Variants in RHBDD1 observed in about 807,000 individuals in gnomAD.
The protein encoded by RHBDD1 is rhomboid domain containing 1.
In RHBDD1, 38 loss-of-function variants were observed where a neutral mutation model predicts 36.3. The ratio of observed to expected loss-of-function variants is 1.05; its 90% CI spans 0.81 to 1.37. The LOEUF (loss-of-function observed/expected upper bound fraction) is 1.37. RHBDD1 is among the 40% of genes most tolerant of loss of function. The pLI, the probability that RHBDD1 is intolerant of heterozygous loss-of-function variation, is 0.00. For missense variants in RHBDD1, 393 were observed against 377.6 expected (o/e 1.04, Z -0.34); for synonymous variants, 151 against 136.5 (o/e 1.11, Z -0.74).
intron 8 of RHBDD1, among the ~76,000 whole-genome samples, chr2:226,943,544 A>G (rs1165618440): frequency 6.6e-6 from 1 of 152,234 alleles, no homozygotes; most frequent in Admixed American, 6.5e-5. Context: ...CATGGACATT[A>G]CAGGAGATAG....
At chr2:226,894,007 A>T (rs1452859167) in intron 5 of RHBDD1, among the ~76,000 whole-genome samples, 1 of 152,228 alleles carries the variant, frequency 6.6e-6, no homozygotes, top group African/African-American at 2.4e-5. Flanking sequence ...CAGGAAAATT[A>T]TATTAATAAA....
At chr2:226,893,971 A>G (rs1323725453) in intron 5 of RHBDD1, among the ~76,000 whole-genome samples, 1 of 152,224 alleles carries the variant, frequency 6.6e-6, no homozygotes, top group Non-Finnish European at 1.5e-5. Context: ...TTGGGGGGAC[A>G]TGGATTTAAC....
chr2:226,989,658 A>G (rs1438942385), intron 8 of RHBDD1, among the ~76,000 whole-genome samples: 1 of 152,126 alleles, frequency 6.6e-6, no homozygotes. Flanking sequence ...TATCTTGTCT[A>G]TATTGCAGGA....
chr2:226,820,644 CAAAAAAAAAAAA>C, the RHBDD1 span, among the ~76,000 whole-genome samples: 1 of 63,516 alleles, frequency 1.6e-5, no homozygotes, highest in Non-Finnish European at 3.9e-5. Context: ...TCCATCTCCA[CAAAAAAAAAAAA>C]AAAAAAAAAA....
chr2:226,871,630 A>G (rs915950755), intron 5 of RHBDD1, among the ~76,000 whole-genome samples: 3 of 152,160 alleles, frequency 2.0e-5, no homozygotes, highest in African/African-American at 7.2e-5. Context: ...CTCTCGTTTT[A>G]TAGAATATCC....
chr2:226,825,426 G>A, the RHBDD1 span, among the ~76,000 whole-genome samples: 1 of 152,048 alleles, frequency 6.6e-6, no homozygotes, highest in African/African-American at 2.4e-5. Flanking sequence ...AGAACAATTG[G>A]ACAGCTGTAA....
At chr2:226,915,413 C>T (rs1009291088) in intron 8 of RHBDD1, among the ~76,000 whole-genome samples, 1 of 152,094 alleles carries the variant, frequency 6.6e-6, no homozygotes, top group African/African-American at 2.4e-5. Context: ...GTCCGGATCG[C>T]AGGGGTCCTA....
intron 5 of RHBDD1, among the ~76,000 whole-genome samples, chr2:226,901,623 G>A (rs4675113): frequency 0.44 from 66,093 of 151,838 alleles, 14,562 homozygotes; most frequent in South Asian, 0.5. Context: ...GCATTTCCCT[G>A]ATGATTAGTG....
intron 8 of RHBDD1, among the ~76,000 whole-genome samples, chr2:226,939,354 A>C (rs996263397): frequency 1.3e-5 from 2 of 152,358 alleles, no homozygotes; most frequent in East Asian, 3.9e-4. Flanking sequence ...TGTAGATGAC[A>C]TGATCCTATA....
chr2:226,850,606 C>G (rs866752228), intron 3 of RHBDD1, among the ~76,000 whole-genome samples: 4 of 152,006 alleles, frequency 2.6e-5, no homozygotes, highest in African/African-American at 9.7e-5. Context: ...TGTGGACATG[C>G]AGGATTCTAG....
chr2:226,969,823 T>C (rs1167351818), intron 8 of RHBDD1, among the ~76,000 whole-genome samples: 1 of 152,234 alleles, frequency 6.6e-6, no homozygotes, highest in South Asian at 2.1e-4. Context: ...TTCTTCATAA[T>C]GCTAAATTTT....
chr2:226,878,890 T>A (rs1201522042), intron 5 of RHBDD1, among the ~76,000 whole-genome samples: 1 of 150,130 alleles, frequency 6.7e-6, no homozygotes, highest in Non-Finnish European at 1.5e-5. Context: ...TCGGGGAGAG[T>A]AGAGTGAAAA....
At chr2:226,870,142 TCA>T (rs1944668474) in intron 5 of RHBDD1, among the ~76,000 whole-genome samples, 1 of 152,140 alleles carries the variant, frequency 6.6e-6, no homozygotes, top group Non-Finnish European at 1.5e-5. Flanking sequence ...AGGGCCGGGC[TCA>T]CATACTGGCC....
the RHBDD1 span, among the ~76,000 whole-genome samples, chr2:226,800,956 T>C: frequency 6.6e-6 from 1 of 152,126 alleles, no homozygotes; most frequent in South Asian, 2.1e-4. Flanking sequence ...AAACAAACGC[T>C]CCCCAGAGTT....
chr2:226,874,606 C>T, intron 5 of RHBDD1, among the ~76,000 whole-genome samples: 1 of 152,268 alleles, frequency 6.6e-6, no homozygotes, highest in African/African-American at 2.4e-5. Flanking sequence ...CTTTTTCTAT[C>T]TGTGTTAAAT....
chr2:226,864,719 A>G lies in RHBDD1; in HGVS notation c.26A>G (p.Asn9Ser), dbSNP rs751786446. 5.3e-5 allele frequency: 86 copies of G among 1,614,116 alleles called. No individual in the cohort carries two copies. The Middle Eastern group carries it at 2.3e-3, about 43-fold the overall frequency. MQRRSRGI[N>S]TGLILLLSQI... ...ATGCAACGGAGATCAAGAGGGATAA[A>G]TACTGGACTTATTCTACTCCTTTCT... is the stretch of plus-strand genomic sequence containing the variant. Residue 9 changes from asparagine (N) to serine (S), a missense_variant, in exon 4 of 9, where the codon AAT (asparagine) becomes AGT (serine). By Grantham distance (46) the Asn-to-Ser change is conservative. Coordinates refer to ENST00000392062, the MANE Select transcript of RHBDD1 (RefSeq NM_001167608.3).
intron 8 of RHBDD1, among the ~76,000 whole-genome samples, chr2:226,955,253 A>C (rs563929199): frequency 6.6e-6 from 1 of 152,322 alleles, no homozygotes; most frequent in South Asian, 2.1e-4. Context: ...CCCAAACCTC[A>C]GTCAAGGGAT....
intron 5 of RHBDD1, among the ~76,000 whole-genome samples, chr2:226,887,712 G>A (rs1946349993): frequency 1.3e-5 from 2 of 152,346 alleles, no homozygotes; most frequent in Admixed American, 6.5e-5. Context: ...TCAGGTGTAT[G>A]TGTGTTTTTC....
the RHBDD1 span, among the ~76,000 whole-genome samples, chr2:226,814,641 G>A: frequency 1.3e-5 from 2 of 152,160 alleles, no homozygotes; most frequent in Non-Finnish European, 2.9e-5. Context: ...AAAAGCAGGT[G>A]CAGAAAACAT....
Sources: gnomAD v4.1 joint callset for allele counts (sites outside exome capture counted in the v4.1 genomes callset) on GRCh38, gnomAD v4.1.1 for gene constraint, MANE v1.5 for transcripts, NCBI Gene and HGNC (gene_info 2026-07-23, HGNC 2026-07-21) for gene names.